The following STPG2 variants were observed in gnomAD, a reference collection of about 807,000 sequenced individuals.
STPG2 encodes sperm tail PG-rich repeat containing 2.
A neutral mutation model predicts 54.2 loss-of-function variants in STPG2; 56 were observed. The observed-to-expected ratio is 1.03, with a 90% CI of 0.83 to 1.29. The LOEUF (loss-of-function observed/expected upper bound fraction) is 1.29. STPG2 is among the 50% of genes most tolerant of loss of function. The probability of loss-of-function intolerance (pLI) is 0.00; values close to 1 mark genes in which losing one functional copy is unlikely to be tolerated. For synonymous variants in STPG2, 200 were observed against 181.8 expected (o/e 1.10, Z -0.81); for missense variants, 596 against 544.9 (o/e 1.09, Z -0.93).
chr4:98,107,174 G>T (rs976746733), intron 4 of STPG2, among the ~76,000 whole-genome samples: 2 of 151,994 alleles, frequency 1.3e-5, no homozygotes, highest in Non-Finnish European at 2.9e-5. Flanking sequence ...ATATCATTTA[G>T]GTCTGTATCT....
At chr4:97,544,044 G>T (rs1335480769) in intron 4 of STPG2, among the ~76,000 whole-genome samples, 1 of 152,030 alleles carries the variant, frequency 6.6e-6, no homozygotes, top group African/African-American at 2.4e-5. Flanking sequence ...GTACAGAGAG[G>T]TCATGGGAAG....
At chr4:98,055,739 C>G (rs1737461606) in intron 5 of STPG2, among the ~76,000 whole-genome samples, 1 of 152,148 alleles carries the variant, frequency 6.6e-6, no homozygotes, top group Non-Finnish European at 1.5e-5. Context: ...GACTTTAGCC[C>G]TAGGAGAACT....
intron 5 of STPG2, among the ~76,000 whole-genome samples, chr4:98,103,142 T>A (rs1739093643): frequency 6.6e-6 from 1 of 151,934 alleles, no homozygotes; most frequent in South Asian, 2.1e-4. Context: ...AATTTCATTA[T>A]CTTTTTAATT....
intron 10 of STPG2, among the ~76,000 whole-genome samples, chr4:97,681,116 C>G (rs989865270): frequency 4.0e-5 from 6 of 151,890 alleles, no homozygotes; most frequent in Admixed American, 3.9e-4. Flanking sequence ...ATTATTAAAA[C>G]TGAATTTCCT....
chr4:97,801,330 A>T (rs548459723), intron 9 of STPG2, among the ~76,000 whole-genome samples: 33 of 151,970 alleles, frequency 2.2e-4, no homozygotes, highest in African/African-American at 7.7e-4. Flanking sequence ...GAACCTCCCC[A>T]TTTCTACACT....
intron 4 of STPG2, among the ~76,000 whole-genome samples, chr4:97,534,635 A>G (rs573253692): frequency 1.3e-5 from 2 of 152,306 alleles, no homozygotes; most frequent in South Asian, 4.1e-4. Flanking sequence ...TTATTGAAGT[A>G]TAAGTTACAT....
intron 5 of STPG2, among the ~76,000 whole-genome samples, chr4:98,077,872 AC>A (rs1383581740): frequency 3.3e-5 from 5 of 152,168 alleles, no homozygotes; most frequent in African/African-American, 1.2e-4. Flanking sequence ...AGAGAGAATC[AC>A]TATGGTAGAA....
chr4:98,106,173 G>T, intron 4 of STPG2, 109 bp from the exon 5 acceptor site: 1 of 783,668 alleles, frequency 1.3e-6, no homozygotes, highest in Non-Finnish European at 1.8e-6. Context: ...TTAAACTATG[G>T]AATAATAAGA....
chr4:97,448,056 T>C (rs1382103474), intron 4 of STPG2, among the ~76,000 whole-genome samples: 2 of 152,322 alleles, frequency 1.3e-5, no homozygotes, highest in East Asian at 1.9e-4. Flanking sequence ...TTTGGAACTT[T>C]AGGATTTAAT....
intron 10 of STPG2, among the ~76,000 whole-genome samples, chr4:97,711,056 G>A (rs1724099673): frequency 6.6e-6 from 1 of 151,614 alleles, no homozygotes; most frequent in African/African-American, 2.4e-5. Context: ...GAAAGAAAAA[G>A]CAAGAATATC....
rs1354059856 is a variant in STPG2 at position 97,474,850 on chromosome 4, AC to A, written c.462+237848del. 6.6e-5 allele frequency among the ~76,000 whole-genome samples: 10 copies of A among 152,208 alleles called. No individual in the cohort carries two copies. In the East Asian group the frequency reaches 1.9e-3, roughly 29 times the overall value. On this transcript the variant is annotated intron_variant, in intron 4 of 4. Transcript: ENST00000522676. ...TAACTTTTTGTGTGGGTTGACCCAT[AC>A]TTTTCTCTTACTAAAACAAATATAC...
intron 8 of STPG2, among the ~76,000 whole-genome samples, chr4:97,871,068 G>A (rs574745866): frequency 2.7e-5 from 4 of 150,804 alleles, no homozygotes; most frequent in Non-Finnish European, 4.5e-5. Flanking sequence ...TAAATAGCTC[G>A]AGTGAAAATG....
intron 10 of STPG2, among the ~76,000 whole-genome samples, chr4:97,635,059 T>A (rs1721459059): frequency 6.6e-6 from 1 of 151,680 alleles, no homozygotes; most frequent in South Asian, 2.1e-4. Flanking sequence ...AAAGTTGAAA[T>A]GAAGGAAAAA....
chr4:97,923,074 A>T (rs896754978), intron 8 of STPG2, among the ~76,000 whole-genome samples: 2 of 152,230 alleles, frequency 1.3e-5, no homozygotes, highest in Admixed American at 6.5e-5. Context: ...AATAATATTG[A>T]GAGGTGACAG....
intron 5 of STPG2, among the ~76,000 whole-genome samples, chr4:98,020,234 T>C (rs1188161326): frequency 1.5e-5 from 2 of 131,654 alleles, no homozygotes; most frequent in African/African-American, 5.9e-5. Context: ...TGAAGGGTTG[T>C]TGAATTTTGT....
chr4:97,743,583 A>G (rs1725333044), intron 9 of STPG2, among the ~76,000 whole-genome samples: 1 of 151,846 alleles, frequency 6.6e-6, no homozygotes, highest in Non-Finnish European at 1.5e-5. Context: ...AGAAGATGCC[A>G]TATCTCATAT....
intron 5 of STPG2, among the ~76,000 whole-genome samples, chr4:98,057,589 T>C (rs1387644727): frequency 6.6e-6 from 1 of 152,130 alleles, no homozygotes; most frequent in Non-Finnish European, 1.5e-5. Context: ...GACAGATTGG[T>C]GTCCCCAAAA....
At chr4:97,990,432 G>T (rs772843873) in intron 5 of STPG2, among the ~76,000 whole-genome samples, 1 of 152,134 alleles carries the variant, frequency 6.6e-6, no homozygotes, top group Admixed American at 6.5e-5. Flanking sequence ...CCTCAAAGTT[G>T]AAAATGCTGT....
chr4:97,943,489 A>T (rs538940500), intron 8 of STPG2, among the ~76,000 whole-genome samples: 3 of 152,170 alleles, frequency 2.0e-5, no homozygotes, highest in Non-Finnish European at 4.4e-5. Flanking sequence ...CATTTAACAT[A>T]CAGGTCAACA....
Sources: allele counts gnomAD v4.1 joint callset (sites outside exome capture counted in the v4.1 genomes callset), GRCh38; gene constraint gnomAD v4.1.1; transcripts MANE v1.5; gene names NCBI Gene and HGNC (gene_info 2026-07-23, HGNC 2026-07-21).